Variants in CCNT2 observed in about 807,000 individuals in gnomAD.
The protein encoded by CCNT2 is cyclin-T2.
A neutral mutation model predicts 70.0 loss-of-function variants in CCNT2; 18 were observed. The observed-to-expected ratio is 0.26, with a 90% CI of 0.18 to 0.38. The LOEUF is 0.38. Ranked by LOEUF, CCNT2 falls within the 10% of genes least tolerant of loss-of-function variation. The pLI, the probability that CCNT2 is intolerant of heterozygous loss-of-function variation, is 1.00. For missense variants in CCNT2, 734 were observed against 890.2 expected, an observed-to-expected ratio of 0.82 and a Z score of 2.23; for synonymous variants, 334 against 313.3, an observed-to-expected ratio of 1.07 and a Z score of -0.70.
rs1042706375 is a variant in CCNT2 at position 134,944,161 on chromosome 2, A to G, written c.493+1487A>G. On this transcript the variant is annotated intron_variant, in intron 5 of 8. Transcript: ENST00000264157. ...CTTCATGGTTATATCAGCGTGTTTT[A>G]TAGCACATTTTCATCTGAATATTAC... 12 of 983,994 alleles carry G rather than the reference A, an allele frequency of 1.2e-5. No homozygotes were observed. In the African/African-American group the frequency reaches 1.6e-4, roughly 13 times the overall value. The allele number at this position is 983,994 out of a possible 1,614,324, so 61.0% of individuals were successfully genotyped here.
At chr2:134,919,443 G>T (rs1011032334) in intron 1 of CCNT2, among the ~76,000 whole-genome samples, 1 of 152,168 alleles carries the variant, frequency 6.6e-6, no homozygotes, top group Non-Finnish European at 1.5e-5. Flanking sequence ...CTTGATGGCG[G>T]CTCTCTTCTA....
chr2:134,923,889 A>G (rs1221575603), intron 2 of CCNT2, among the ~76,000 whole-genome samples: 3 of 152,236 alleles, frequency 2.0e-5, no homozygotes, highest in Non-Finnish European at 4.4e-5. Context: ...AATTTATGCC[A>G]GTGATTTGTA....
At chr2:134,947,712 A>C in intron 6 of CCNT2, 24 bp from the exon 7 acceptor site, 1 of 1,401,886 alleles carries the variant, frequency 7.1e-7, no homozygotes, top group East Asian at 2.5e-5. Flanking sequence ...ATGGCTCTCC[A>C]TTTTCAAACC....
chr2:134,944,421 G>C, intron 5 of CCNT2: 1 of 967,134 alleles, frequency 1.0e-6, no homozygotes, highest in Non-Finnish European at 1.2e-6. Flanking sequence ...TCAGGTTACT[G>C]TTGTGAAATT....
chr2:134,946,400 T>G, intron 6 of CCNT2: 4 of 1,241,580 alleles, frequency 3.2e-6, no homozygotes, highest in Non-Finnish European at 4.0e-6. Context: ...AGTCTAAAAT[T>G]GGTAGCCTGA....
chr2:134,929,750 A>G (rs1433351616), intron 2 of CCNT2, among the ~76,000 whole-genome samples: 1 of 151,048 alleles, frequency 6.6e-6, no homozygotes, highest in Non-Finnish European at 1.5e-5. Context: ...CCTGGGTTCA[A>G]GTGATTCTCC....
rs1438808152 is a variant in CCNT2 at position 134,936,853 on chromosome 2, A to G, written c.253A>G (p.Thr85Ala). 5.0e-6 allele frequency: 8 copies of G among 1,613,010 alleles called. No homozygotes were observed. Among genetic ancestry groups the G allele is most frequent in the Admixed American group, 1.7e-5 (1 of 59,950 alleles). ...ATCTTTTCTGCAGATAATATCGTCT[A>G]CTGCATTATTTTTGGCTGCAAAAGT... is the stretch of plus-strand genomic sequence containing the variant. Reference protein sequence around the residue: ...TKFNKNIISSTALFLAAKVEE... With the variant: ...TKFNKNIISSAALFLAAKVEE... Residue 85 changes from threonine to alanine, a missense_variant, in exon 3 of 9, where the codon ACT becomes GCT. Physicochemically the swap from Thr to Ala is moderately conservative, Grantham distance 58. This residue lies in a region of CCNT2 where 161 missense variants were observed against 303.8 expected (regional missense o/e 0.53). Coordinates refer to ENST00000264157, the MANE Select transcript of CCNT2 (RefSeq NM_058241.3).
In CCNT2 at chr2:134,956,183, A is replaced by G. The variant is rs1424001151; in HGVS notation, c.*1535A>G. The G allele has an allele frequency of 1.8e-4, 28 of 152,662 alleles. No individual in the cohort carries two copies. The highest frequency in any genetic ancestry group is 1.8e-3 in the Admixed American group (28 of 15,280). The allele number at this position is 152,662 out of a possible 1,614,324, so 9.5% of individuals were successfully genotyped here. A position where few individuals can be genotyped will look rare whatever the true frequency, so the allele number is the denominator to read the frequency against. On this transcript the variant is annotated 3_prime_UTR_variant, in exon 9 of 9. Transcript: ENST00000264157. ...ATTTTTTCTCTGTATTTTTGTTACAAAGCCACTGATACGTGCACAATTGTA... is the reference window on the plus strand; with the variant it reads ...ATTTTTTCTCTGTATTTTTGTTACAGAGCCACTGATACGTGCACAATTGTA...
intron 2 of CCNT2, among the ~76,000 whole-genome samples, chr2:134,936,213 A>G (rs45604435): frequency 0.034 from 5,079 of 150,720 alleles, 288 homozygotes; most frequent in African/African-American, 0.12. Context: ...TGCCTCCACA[A>G]TGTGCAAATT....
chr2:134,947,156 A>G (rs1682044265), intron 6 of CCNT2, among the ~76,000 whole-genome samples: 1 of 152,194 alleles, frequency 6.6e-6, no homozygotes, highest in South Asian at 2.1e-4. Flanking sequence ...AATAACATTG[A>G]GCCTTGAAGC....
Position 134,953,594 on chromosome 2 carries a change from A to C in CCNT2, c.1139A>C (p.Asn380Thr), listed in dbSNP as rs369394694. The C allele has an allele frequency of 6.2e-6, 10 of 1,614,004 alleles. No individual in the cohort carries two copies. In the African/African-American group the frequency reaches 6.7e-5, roughly 11 times the overall value. Residue 380 changes from asparagine (N) to threonine (T), a missense_variant, in exon 9 of 9, where the codon AAC becomes ACC. Asn to Thr is a moderately conservative substitution (Grantham distance 65, BLOSUM62 0). Transcript: ENST00000264157. ...TSLSGSQYNINFQQGPSISLH... is the reference protein window; with the variant it reads ...TSLSGSQYNITFQQGPSISLH... ...TTGTCTGGTAGCCAGTACAACATCA[A>C]CTTCCAGCAGGGACCTTCTATATCA...
intron 2 of CCNT2, among the ~76,000 whole-genome samples, chr2:134,926,090 C>G (rs573122375): frequency 2.6e-5 from 4 of 151,886 alleles, no homozygotes; most frequent in African/African-American, 9.7e-5. Context: ...GTTCTTAAAC[C>G]CCTGGACTCA....
intron 8 of CCNT2, 78 bp from the exon 9 acceptor site, chr2:134,953,152 T>C: frequency 1.0e-6 from 1 of 971,684 alleles, no homozygotes; most frequent in Non-Finnish European, 1.5e-6. Context: ...GTTTTTAATA[T>C]ATAACTTTTA....
At chr2:134,925,699 A>C (rs1321313271) in intron 2 of CCNT2, among the ~76,000 whole-genome samples, 1 of 152,118 alleles carries the variant, frequency 6.6e-6, no homozygotes, top group Non-Finnish European at 1.5e-5. Context: ...ATTGTTAGCC[A>C]CTTTTTGGCT....
intron 2 of CCNT2, among the ~76,000 whole-genome samples, chr2:134,928,462 G>A (rs1432523362): frequency 2.0e-5 from 3 of 151,572 alleles, no homozygotes; most frequent in Admixed American, 2.0e-4. Context: ...ATTTTTAGTA[G>A]AGCCAGGTTT....
At position 134,957,913 on chromosome 2, in the gene CCNT2, A is replaced by G. The variant is rs950256423; in HGVS notation, c.*3265A>G. ...TGTATTAATAATTAATAGAATACCT[A>G]ATTTTTTTGGCCTATCCTCTTTGAA... On this transcript the variant is annotated 3_prime_UTR_variant, in exon 9 of 9. Coordinates refer to ENST00000264157, the MANE Select transcript of CCNT2 (RefSeq NM_058241.3). The G allele has an allele frequency of 2.0e-5, 3 of 152,112 alleles. No individual in the cohort carries two copies. The highest frequency in any genetic ancestry group is 4.4e-5 in the Non-Finnish European group (3 of 68,000). The allele number at this position is 152,112 out of a possible 1,614,324, so 9.4% of individuals were successfully genotyped here. A position where few individuals can be genotyped will look rare whatever the true frequency, so the allele number is the denominator to read the frequency against.
chr2:134,927,724 T>A (rs1573786497), intron 2 of CCNT2, among the ~76,000 whole-genome samples: 1 of 152,178 alleles, frequency 6.6e-6, no homozygotes, highest in East Asian at 1.9e-4. Flanking sequence ...GAAAATCCAA[T>A]TAGATAACTG....
intron 2 of CCNT2, among the ~76,000 whole-genome samples, chr2:134,925,859 C>CTTTTT (rs3041372): frequency 1.1e-4 from 9 of 85,276 alleles, no homozygotes; most frequent in Non-Finnish European, 1.9e-4. Context: ...GGATAGCTGC[C>CTTTTT]TTTTTTTTTT....
intron 2 of CCNT2, among the ~76,000 whole-genome samples, chr2:134,928,408 A>G (rs1039826450): frequency 2.7e-4 from 41 of 150,096 alleles, no homozygotes; most frequent in African/African-American, 1.0e-3. Flanking sequence ...CCTCCCAAGT[A>G]GCTGGGATTA....
Sources: gnomAD v4.1 joint callset for allele counts (sites outside exome capture counted in the v4.1 genomes callset) on GRCh38, gnomAD v4.1.1 for gene constraint, gnomAD v4.1.1 regional missense constraint, MANE v1.5 for transcripts, NCBI Gene and HGNC (gene_info 2026-07-23, HGNC 2026-07-21) for gene names.